LUZP2: variants seen among roughly 807,000 people sequenced by gnomAD.
The protein encoded by LUZP2 is leucine zipper protein 2.
In LUZP2, 52 loss-of-function variants were observed where a neutral mutation model predicts 51.6. The ratio of observed to expected loss-of-function variants is 1.01; its 90% CI spans 0.81 to 1.27. The LOEUF is 1.27. LUZP2 is among the 50% of genes most tolerant of loss of function. LUZP2 has a pLI of 0.00. For synonymous variants in LUZP2, 154 were observed against 137.3 expected (o/e 1.12, Z -0.85); for missense variants, 436 against 395.4 (o/e 1.10, Z -0.87).
At chr11:24,770,803 G>A (rs77419188) in intron 5 of LUZP2, among the ~76,000 whole-genome samples, 2,393 of 152,232 alleles carry the variant, frequency 0.016, 20 homozygotes, top group South Asian at 0.026. Context: ...TTACAAAATC[G>A]TTTGAAGAGC....
chr11:24,837,528 CTGTTCT>C (rs1850896574), intron 5 of LUZP2, among the ~76,000 whole-genome samples: 1 of 151,678 alleles, frequency 6.6e-6, no homozygotes, highest in Non-Finnish European at 1.5e-5. Flanking sequence ...AGAATGACAA[CTGTTCT>C]GCATTTTTAA....
chr11:25,067,017 G>A (rs1019567500), intron 10 of LUZP2, among the ~76,000 whole-genome samples: 6 of 152,062 alleles, frequency 3.9e-5, no homozygotes, highest in Admixed American at 3.9e-4. Context: ...TGTCTGTGGT[G>A]AGTACATGTA....
chr11:24,994,298 T>C (rs944094149), intron 9 of LUZP2, among the ~76,000 whole-genome samples: 3 of 152,190 alleles, frequency 2.0e-5, no homozygotes, highest in Non-Finnish European at 4.4e-5. Flanking sequence ...TGATTTAATT[T>C]GAGTTTACTT....
At chr11:24,509,487 A>T (rs1398311357) in intron 1 of LUZP2, among the ~76,000 whole-genome samples, 1 of 148,912 alleles carries the variant, frequency 6.7e-6, no homozygotes, top group African/African-American at 2.4e-5. Context: ...ATCATGTAGT[A>T]TATAGATTAT....
At chr11:24,616,468 C>A (rs77740271) in intron 1 of LUZP2, among the ~76,000 whole-genome samples, 1 of 76,554 alleles carries the variant, frequency 1.3e-5, no homozygotes, top group Non-Finnish European at 2.5e-5. Context: ...TGGTATTTGG[C>A]GTGCGCATGT....
intron 7 of LUZP2, among the ~76,000 whole-genome samples, chr11:24,956,771 TG>T (rs2133871251): frequency 6.6e-6 from 1 of 151,874 alleles, no homozygotes; most frequent in South Asian, 2.1e-4. Context: ...TGAAAGAAAG[TG>T]GGATTTGGTA....
At chr11:24,829,803 G>GAT (rs1217905430) in intron 5 of LUZP2, among the ~76,000 whole-genome samples, 1 of 152,184 alleles carries the variant, frequency 6.6e-6, no homozygotes, top group Non-Finnish European at 1.5e-5. Flanking sequence ...ACTTTGAAAA[G>GAT]ATTATTTCCT....
chr11:25,056,590 A>G (rs1858689631), intron 10 of LUZP2, among the ~76,000 whole-genome samples: 1 of 152,138 alleles, frequency 6.6e-6, no homozygotes, highest in African/African-American at 2.4e-5. Context: ...CGCTCTGGGA[A>G]GGGACTTTGT....
rs1288573186 is a variant in LUZP2, at chr11:24,959,273, T to A, written c.523-17318T>A. 1.6e-4 allele frequency among the ~76,000 whole-genome samples: 24 copies of A among 152,204 alleles called. No homozygotes were observed. The East Asian group carries it at 3.3e-3, about 21-fold the overall frequency. On this transcript the variant is annotated intron_variant, in intron 7 of 11. Transcript: ENST00000336930. ...AGTTCCATATGAACTTTAAAGTAGT[T>A]TTTTCCAATTCTGTGAAGAAAGTCA... is the stretch of plus-strand genomic sequence containing the variant.
intron 9 of LUZP2, among the ~76,000 whole-genome samples, chr11:25,038,445 G>C (rs1313724937): frequency 6.6e-6 from 1 of 152,182 alleles, no homozygotes; most frequent in African/African-American, 2.4e-5. Flanking sequence ...GGATGAAAGA[G>C]TCAAAATCAC....
chr11:24,577,000 C>T (rs1010954449), intron 1 of LUZP2, among the ~76,000 whole-genome samples: 1 of 151,944 alleles, frequency 6.6e-6, no homozygotes, highest in Admixed American at 6.6e-5. Context: ...ACCCTATAAG[C>T]AATGAATAGA....
At chr11:24,605,206 T>C (rs1055422403) in intron 1 of LUZP2, among the ~76,000 whole-genome samples, 4 of 151,840 alleles carry the variant, frequency 2.6e-5, no homozygotes, top group Non-Finnish European at 5.9e-5. Flanking sequence ...TTTAGGACCA[T>C]GCTGAGTTTT....
chr11:25,081,468 G>A lies in LUZP2; in HGVS notation c.*2810G>A, dbSNP rs1268938608. On this transcript the variant is annotated 3_prime_UTR_variant, in exon 12 of 12. Coordinates refer to ENST00000336930, the MANE Select transcript of LUZP2 (RefSeq NM_001009909.4). ...AGGAGACATTTAAAAATATATTTAG[G>A]AGTTCCTTTTAATAACTAAGTTAGA... 1 of 150,888 alleles carries A rather than the reference G, an allele frequency of 6.6e-6. No individual in the cohort carries two copies. Among genetic ancestry groups the A allele is most frequent in the Non-Finnish European group, 1.5e-5 (1 of 67,826 alleles). 9.3% of individuals were successfully genotyped at this position (150,888 alleles called of 1,614,324 possible). A position where few individuals can be genotyped will look rare whatever the true frequency, so the allele number is the denominator to read the frequency against.
chr11:24,716,488 GAA>G, intron 1 of LUZP2, among the ~76,000 whole-genome samples: 2 of 152,260 alleles, frequency 1.3e-5, no homozygotes, highest in Middle Eastern at 3.4e-3. Flanking sequence ...TCAAAGGAGT[GAA>G]AAGAGTCAAG....
intron 5 of LUZP2, among the ~76,000 whole-genome samples, chr11:24,809,937 G>A (rs919643329): frequency 6.6e-6 from 1 of 152,066 alleles, no homozygotes; most frequent in African/African-American, 2.4e-5. Flanking sequence ...GGGAAATATA[G>A]CTATTAAATA....
At chr11:24,741,936 TAAATATATACATTTATATATTATATATA>T (rs1859172550) in intron 4 of LUZP2, among the ~76,000 whole-genome samples, 6 of 29,978 alleles carry the variant, frequency 2.0e-4, no homozygotes, top group Non-Finnish European at 4.0e-4. Context: ...ATATTATATA[TAAATATATACATTTATATATTATATATA>T]AATATATACA....
At chr11:25,048,033 A>C (rs1347655010) in intron 9 of LUZP2, among the ~76,000 whole-genome samples, 2 of 151,844 alleles carry the variant, frequency 1.3e-5, no homozygotes, top group Non-Finnish European at 2.9e-5. Context: ...CTGGTCTTGC[A>C]CTCCTGACCT....
intron 5 of LUZP2, among the ~76,000 whole-genome samples, chr11:24,898,915 A>G (rs1232075027): frequency 1.3e-5 from 2 of 151,674 alleles, no homozygotes; most frequent in Non-Finnish European, 1.5e-5. Context: ...GTTAAGAGAC[A>G]TCACATCATT....
chr11:24,911,047 G>A (rs577744801), intron 6 of LUZP2, among the ~76,000 whole-genome samples: 31 of 152,256 alleles, frequency 2.0e-4, no homozygotes, highest in African/African-American at 7.5e-4. Context: ...GAACTTTAAG[G>A]TTTAATGACT....
Sources: allele counts gnomAD v4.1 joint callset (sites outside exome capture counted in the v4.1 genomes callset), GRCh38; gene constraint gnomAD v4.1.1; transcripts MANE v1.5; gene names NCBI Gene and HGNC (gene_info 2026-07-23, HGNC 2026-07-21).